The following LAS1L variants were observed in gnomAD, a reference collection of about 807,000 sequenced individuals.
The protein encoded by LAS1L is LAS1 like ribosome biogenesis factor.
LAS1L carries 5 observed loss-of-function variants against 57.3 expected under a neutral mutation model. That is an observed-to-expected ratio of 0.09 (90% CI 0.05 to 0.18). The LOEUF (loss-of-function observed/expected upper bound fraction) is 0.18. Ranked by LOEUF, LAS1L falls within the 10% of genes least tolerant of loss-of-function variation. The pLI is 1.00. For missense variants in LAS1L, 360 were observed against 568.3 expected (o/e 0.63, Z 3.73); for synonymous variants, 245 against 231.7 (o/e 1.06, Z -0.52).
chrX:65,525,191 G>A (rs2069062732), intron 7 of LAS1L, 141 bp from the exon 8 acceptor site: 1 of 470,183 alleles, frequency 2.1e-6, no homozygotes, highest in African/African-American at 2.4e-5. Flanking sequence ...GGGTGGGTAG[G>A]AGTGGGGAGG....
intron 4 of LAS1L, among the ~76,000 whole-genome samples, chrX:65,530,684 C>T (rs891295811): frequency 9.2e-6 from 1 of 109,156 alleles, no homozygotes. Flanking sequence ...CATGGAGGCG[C>T]GTGCCTGTAA....
intron 7 of LAS1L, among the ~76,000 whole-genome samples, chrX:65,525,748 C>CAAAAAAAAAAAAAAAAAAAAAAAAAAAAA (rs772564998): frequency 3.4e-4 from 13 of 38,233 alleles, no homozygotes; most frequent in African/African-American, 1.1e-3. Context: ...TCTGATTTTT[C>CAAAAAAAAAAAAAAAAAAAAAAAAAAAAA]AAAAAAAAAA....
At chrX:65,523,430 T>C (rs2068961052) in intron 11 of LAS1L, 130 bp downstream of exon 11, 3 of 646,396 alleles carry the variant, frequency 4.6e-6, no homozygotes, top group Non-Finnish European at 6.7e-6. Flanking sequence ...AGTTGTCCCA[T>C]CTGTCAGTGG....
intron 11 of LAS1L, chrX:65,522,413 C>T (rs776683367): frequency 1.9e-4 from 21 of 109,996 alleles, no homozygotes; most frequent in African/African-American, 7.0e-4. Context: ...AGGCCTCGCC[C>T]GAGATTAAAA....
At chrX:65,514,160 T>A (rs976080300) in intron 13 of LAS1L, among the ~76,000 whole-genome samples, 1 of 112,210 alleles carries the variant, frequency 8.9e-6, no homozygotes, top group African/African-American at 3.2e-5. Context: ...CCCAGCATTC[T>A]GGAATGTACA....
rs1255482270 is a variant in LAS1L at position 65,532,453 on chromosome X, G to A, written c.432+108C>T. 6.9e-6 allele frequency: 4 copies of A among 575,714 alleles called. No homozygotes were observed. The East Asian group carries it at 1.0e-4, about 15-fold the overall frequency. The allele number at this position is 575,714 out of a possible 1,213,427, so 47.4% of individuals were successfully genotyped here. On this transcript the variant is annotated intron_variant, in intron 3 of 13. Coordinates refer to ENST00000374811, the MANE Select transcript of LAS1L (RefSeq NM_031206.7). ...TCTGGGATTCTTGCTGGGCTTGGCT[G>A]GTAGTGATGGGATGAGCTAGTCTGA... is the stretch of plus-strand genomic sequence containing the variant.
At chrX:65,532,286 T>C (rs1322290970) in intron 3 of LAS1L, among the ~76,000 whole-genome samples, 1 of 112,886 alleles carries the variant, frequency 8.9e-6, no homozygotes, top group East Asian at 2.8e-4. Flanking sequence ...GGGCAGGTGC[T>C]GTGACTGTCA....
At chrX:65,527,210 CAAAAAAAAAAAAAAAAAAAA>C (rs869258564) in intron 7 of LAS1L, among the ~76,000 whole-genome samples, 27 of 11,001 alleles carry the variant, frequency 2.5e-3, no homozygotes, top group Non-Finnish European at 3.7e-3. Flanking sequence ...AACTCTGTCT[CAAAAAAAAAAAAAAAAAAAA>C]AAAAAAAAAA....
intron 12 of LAS1L, among the ~76,000 whole-genome samples, chrX:65,517,677 A>G (rs954370344): frequency 8.9e-6 from 1 of 112,417 alleles, no homozygotes; most frequent in African/African-American, 3.2e-5. Context: ...GCAGAACCAT[A>G]TATGTACACA....
At chrX:65,516,664 C>T (rs1188445622) in intron 12 of LAS1L, among the ~76,000 whole-genome samples, 1 of 108,338 alleles carries the variant, frequency 9.2e-6, no homozygotes, top group Non-Finnish European at 1.9e-5. Flanking sequence ...CACACACACA[C>T]ACACACACAC....
At chrX:65,514,534 G>GCACACACACACACACACACACACACACA (rs56718186) in intron 13 of LAS1L, among the ~76,000 whole-genome samples, 27 of 88,848 alleles carry the variant, frequency 3.0e-4, no homozygotes, top group African/African-American at 1.2e-3. Context: ...GTGTGTGCCT[G>GCACACACACACACACACACACACACACA]CACACACACA....
chrX:65,532,681 C>A, intron 2 of LAS1L, 51 bp from the exon 3 acceptor site: 1 of 903,427 alleles, frequency 1.1e-6, no homozygotes, highest in Non-Finnish European at 1.6e-6. Context: ...CATTTTATTC[C>A]AAACACTTTG....
chrX:65,517,665 G>A (rs1207281458), intron 12 of LAS1L, among the ~76,000 whole-genome samples: 2 of 112,315 alleles, frequency 1.8e-5, no homozygotes, highest in East Asian at 2.8e-4. Flanking sequence ...TGAAAAACAC[G>A]TGCAGAACCA....
intron 11 of LAS1L, chrX:65,519,010 G>GA (rs200178141): frequency 4.0e-4 from 286 of 722,514 alleles, no homozygotes; most frequent in African/African-American, 1.7e-3. Context: ...TGGAGGAAAA[G>GA]AAAAAAAAAG....
intron 12 of LAS1L, among the ~76,000 whole-genome samples, chrX:65,517,224 T>G (rs1471399024): frequency 1.8e-5 from 2 of 108,124 alleles, no homozygotes; most frequent in African/African-American, 7.0e-5. Flanking sequence ...CTTAATGCCC[T>G]AGGTTCCTTC....
chrX:65,521,073 G>GAACAGC, intron 11 of LAS1L: 1 of 751,150 alleles, frequency 1.3e-6, no homozygotes, highest in Non-Finnish European at 1.6e-6. Context: ...CAATGTGGCT[G>GAACAGC]TTCAGTTCCA....
chrX:65,524,356 G>GT (rs1418919327), intron 9 of LAS1L, 94 bp from the exon 10 acceptor site: 5 of 700,671 alleles, frequency 7.1e-6, no homozygotes, highest in Admixed American at 5.4e-5. Flanking sequence ...GAGAAAGGAA[G>GT]TGAGAGTGAG....
At position 65,512,784 on chromosome X, in the gene LAS1L, C is replaced by T; in HGVS notation, c.2196G>A (p.Gln732=). The change falls in exon 14 of 14, where the codon CAG becomes CAA. Residue 732 remains glutamine, a synonymous_variant. Transcript: ENST00000374811. Reference sequence around the variant, plus strand: ...GCACCAGGGATGGCCATCAGAAGAGCTGCAGGCCAGTTTTGAGCCCATGCA... The same window carrying T: ...GCACCAGGGATGGCCATCAGAAGAGTTGCAGGCCAGTTTTGAGCCCATGCA... ...GQLHGLKTGL[Q]LF 2.6e-6 allele frequency: 3 copies of T among 1,168,186 alleles called. No individual in the cohort carries two copies. The highest frequency in any genetic ancestry group is 3.4e-6 in the Non-Finnish European group (3 of 873,173).
intron 10 of LAS1L, 41 bp downstream of exon 10, chrX:65,524,015 G>C (rs768620249): frequency 3.5e-6 from 4 of 1,144,824 alleles, no homozygotes; most frequent in Non-Finnish European, 4.8e-6. Flanking sequence ...GCTCCTGCCT[G>C]GGCTGCCTTA....
Sources: gnomAD v4.1 joint callset for allele counts (sites outside exome capture counted in the v4.1 genomes callset) on GRCh38, gnomAD v4.1.1 for gene constraint, MANE v1.5 for transcripts, NCBI Gene and HGNC (gene_info 2026-07-23, HGNC 2026-07-21) for gene names.